Variants in VAT1 observed in about 807,000 individuals in gnomAD.
VAT1 encodes the protein NADPH-dependent quinone oxidoreductase VAT1.
In VAT1, 24 loss-of-function variants were observed where a neutral mutation model predicts 33.3. The observed-to-expected ratio is 0.72, with a 90% confidence interval of 0.52 to 1.01. The LOEUF (loss-of-function observed/expected upper bound fraction) is 1.01, where lower values mean the gene tolerates loss of function less well. Ranked by LOEUF, VAT1 falls within the 50% of genes least tolerant of loss-of-function variation. The pLI is 0.00. For missense variants in VAT1, 436 were observed against 533.7 expected (o/e 0.82, Z 1.80); for synonymous variants, 212 against 225.0 (o/e 0.94, Z 0.52).
intron 3 of VAT1, 46 bp from the exon 4 acceptor site, chr17:43,017,976 A>C (rs1335812469): frequency 6.2e-7 from 1 of 1,613,328 alleles, no homozygotes; most frequent in South Asian, 1.1e-5. Context: ...GGATCCACAG[A>C]TCTGGAGCTC....
rs754846937 is a variant in VAT1 at position 43,018,211 on chromosome 17, A to G, written c.596-5T>C. The G allele has an allele frequency of 1.9e-6, 3 of 1,603,802 alleles. No homozygotes were observed. In the South Asian group the frequency reaches 3.3e-5, roughly 18 times the overall value. On this transcript the variant is annotated splice_region_variant and splice_polypyrimidine_tract_variant and intron_variant, in intron 2 of 5. Transcript: ENST00000355653. The stretch of plus-strand genomic sequence containing the variant: ...CGGCAGCCATACCCACACCCCCTGC[A>G]GCAAGACACCCATAAGCAGGGGATA...
At position 43,015,461 on chromosome 17, in the gene VAT1, G is replaced by C. The variant is rs1266159889; in HGVS notation, c.*600C>G. 6.4e-6 allele frequency: 1 copy of C among 155,850 alleles called. No individual in the cohort carries two copies. Among genetic ancestry groups the C allele is most frequent in the Non-Finnish European group, 1.4e-5 (1 of 70,122 alleles). The allele number at this position is 155,850 out of a possible 1,614,324, so 9.7% of individuals were successfully genotyped here. A position where few individuals can be genotyped will look rare whatever the true frequency, so the allele number is the denominator to read the frequency against. ...GGGGAGTAGGTCTGATTCCCGCCCTGTTGGAAGAGGCAGCCTTGGTTAAGA... is the reference window on the plus strand; with the variant it reads ...GGGGAGTAGGTCTGATTCCCGCCCTCTTGGAAGAGGCAGCCTTGGTTAAGA... On this transcript the variant is annotated 3_prime_UTR_variant, in exon 6 of 6. Transcript: ENST00000355653.
intron 5 of VAT1, 40 bp downstream of exon 5, chr17:43,016,267 A>G (rs1243152266): frequency 6.2e-7 from 1 of 1,606,374 alleles, no homozygotes; most frequent in South Asian, 1.1e-5. Context: ...AGCCTTCATG[A>G]GTCCTACCCA....
At chr17:43,020,873 CT>C (rs1454836049) in intron 1 of VAT1, among the ~76,000 whole-genome samples, 3 of 78,208 alleles carry the variant, frequency 3.8e-5, no homozygotes, top group Non-Finnish European at 6.7e-5. Flanking sequence ...GAAACTCCGT[CT>C]AAAAAAAAAA....
At chr17:43,021,784 C>G (rs1245508343) in intron 1 of VAT1, 152 bp downstream of exon 1, 1 of 1,437,606 alleles carries the variant, frequency 7.0e-7, no homozygotes, top group Non-Finnish European at 9.1e-7. Context: ...CAGGAGCCCC[C>G]AAACACAAGT....
At chr17:43,019,596 G>A (rs1340160460) in intron 1 of VAT1, 3 of 152,460 alleles carry the variant, frequency 2.0e-5, no homozygotes, top group African/African-American at 7.2e-5. Flanking sequence ...AAGGGCTACA[G>A]AGGCCTACGC....
chr17:43,022,011 CG>C lies in VAT1; in HGVS notation c.311del (p.Pro104ArgfsTer15). ...CCATGCCCGGAGTGACAGGCAGAGG[CG>C]GGAGACGGTCGTACAGCCCCTGCCT... The part of the protein sequence containing the change: ...MARQGLYDRL[P>X]PLPVTPGMEG... On this transcript the variant is annotated frameshift_variant, in exon 1 of 6. Transcript: ENST00000355653. LOFTEE classifies it high-confidence loss of function. The C allele has an allele frequency of 6.2e-7, 1 of 1,608,304 alleles. No homozygotes were observed. The highest frequency in any genetic ancestry group is 8.5e-7 in the Non-Finnish European group (1 of 1,178,852).
In VAT1 at chr17:43,014,615, G is replaced by A. The variant is rs557385499; in HGVS notation, c.*1446C>T. The A allele has an allele frequency of 5.2e-4, 129 of 246,656 alleles. 1 individual carries two copies. Among genetic ancestry groups the A allele is most frequent in the Non-Finnish European group, 5.2e-4 (67 of 129,108 alleles). 15.3% of individuals were successfully genotyped at this position (246,656 alleles called of 1,614,324 possible). A position where few individuals can be genotyped will look rare whatever the true frequency, so the allele number is the denominator to read the frequency against. ...AGGCAACAAGCAGGACCCAGGGTTT[G>A]GCTTTTTATTGACACAAACACACAA... On this transcript the variant is annotated 3_prime_UTR_variant, in exon 6 of 6. Transcript: ENST00000355653.
intron 1 of VAT1, chr17:43,020,081 G>A (rs954024230): frequency 2.0e-6 from 2 of 984,266 alleles, no homozygotes; most frequent in Non-Finnish European, 2.4e-6. Context: ...GCTGCGAGGA[G>A]TGCATTGGTC....
intron 1 of VAT1, among the ~76,000 whole-genome samples, chr17:43,020,675 C>A (rs557705879): frequency 7.2e-5 from 11 of 151,902 alleles, no homozygotes; most frequent in African/African-American, 2.4e-4. Context: ...GTCGGGAGTT[C>A]GAGACCAGAC....
chr17:43,021,241 A>G (rs2050564335), intron 1 of VAT1, among the ~76,000 whole-genome samples: 1 of 152,206 alleles, frequency 6.6e-6, no homozygotes, highest in African/African-American at 2.4e-5. Flanking sequence ...AGGAGGAGAT[A>G]CTGCAGTCAC....
Position 43,015,905 on chromosome 17 carries a change from G to C in VAT1, c.*156C>G, listed in dbSNP as rs1169691569. 1 of 806,270 alleles carries C rather than the reference G, an allele frequency of 1.2e-6. No homozygotes were observed. The highest frequency in any genetic ancestry group is 1.7e-5 in the African/African-American group (1 of 58,122). The allele number at this position is 806,270 out of a possible 1,614,324, so 49.9% of individuals were successfully genotyped here. A position where few individuals can be genotyped will look rare whatever the true frequency, so the allele number is the denominator to read the frequency against. On this transcript the variant is annotated 3_prime_UTR_variant, in exon 6 of 6. Transcript: ENST00000355653. ...AACCTCTTCAGAGGTCAGGAAGCGGGGAGGGGCAGGGGAGAGCGGTCATCA... is the reference window on the plus strand; with the variant it reads ...AACCTCTTCAGAGGTCAGGAAGCGGCGAGGGGCAGGGGAGAGCGGTCATCA...
At chr17:43,021,656 A>G (rs1567747716) in intron 1 of VAT1, among the ~76,000 whole-genome samples, 1 of 147,994 alleles carries the variant, frequency 6.8e-6, no homozygotes, top group Non-Finnish European at 1.5e-5. Context: ...GCGCATGCGC[A>G]TGGGCACCTT....
At chr17:43,019,957 G>T (rs530616050) in intron 1 of VAT1, among the ~76,000 whole-genome samples, 19 of 152,172 alleles carry the variant, frequency 1.2e-4, no homozygotes, top group African/African-American at 4.3e-4. Context: ...GAGAACTGAG[G>T]GCATGCTGGG....
chr17:43,018,999 G>A (rs1244011033), intron 1 of VAT1, 200 bp from the exon 2 acceptor site: 8 of 625,094 alleles, frequency 1.3e-5, no homozygotes, highest in Non-Finnish European at 1.9e-5. Context: ...ACTGAGGGCC[G>A]AGCCCGATTT....
At chr17:43,020,598 C>A (rs182035758) in intron 1 of VAT1, among the ~76,000 whole-genome samples, 16 of 152,184 alleles carry the variant, frequency 1.1e-4, no homozygotes, top group South Asian at 2.1e-4. Flanking sequence ...AAACTCCTGG[C>A]CAAGCGCAGT....
chr17:43,018,638 G>A lies in VAT1; in HGVS notation c.549C>T (p.Phe183=), dbSNP rs747130060. ...CGCTGTGGCCAGGCTGTAGGTTGCC[G>A]AAGTCAAAGAGGACCATGTAGGCTG... The part of the protein sequence containing the change: ...YITAYMVLFD[F]GNLQPGHSVL... Residue 183 remains phenylalanine (F), a synonymous_variant, in exon 2 of 6, where the codon TTC becomes TTT. Transcript: ENST00000355653. 8 of 1,614,084 alleles carry A rather than the reference G, an allele frequency of 5.0e-6. No individual in the cohort carries two copies. In the Admixed American group the frequency reaches 6.7e-5, roughly 13 times the overall value.
intron 1 of VAT1, 83 bp from the exon 2 acceptor site, chr17:43,018,882 A>G: frequency 1.5e-6 from 2 of 1,335,720 alleles, no homozygotes; most frequent in East Asian, 2.4e-5. Context: ...GTACAAGGCT[A>G]CCTTCTTCCA....
chr17:43,018,178 C>G lies in VAT1; in HGVS notation c.624G>C (p.Leu208=). 6.2e-7 allele frequency: 1 copy of G among 1,612,426 alleles called. No homozygotes were observed. Among genetic ancestry groups the G allele is most frequent in the Non-Finnish European group, 8.5e-7 (1 of 1,179,176 alleles). The change falls in exon 3 of 6, where the codon CTG becomes CTC. Residue 208 remains leucine (L), a synonymous_variant. Coordinates refer to ENST00000355653, the MANE Select transcript of VAT1 (RefSeq NM_006373.4). ...AGGVGMAAVQ[L]CRTVENVTVF... ...CTGTCACATTCTCCACTGTACGGCA[C>G]AGCTGCACGGCAGCCATACCCACAC... is the stretch of plus-strand genomic sequence containing the variant.
Sources: allele counts gnomAD v4.1 joint callset (sites outside exome capture counted in the v4.1 genomes callset), GRCh38; gene constraint gnomAD v4.1.1; transcripts MANE v1.5; gene names NCBI Gene and HGNC (gene_info 2026-07-23, HGNC 2026-07-21).